The following BTBD9 variants were observed in gnomAD, a reference collection of about 807,000 sequenced individuals.
The protein encoded by BTBD9 is BTB domain containing 9.
In BTBD9, 49 loss-of-function variants were observed where a neutral mutation model predicts 64.3. The ratio of observed to expected loss-of-function variants is 0.76; its 90% CI spans 0.61 to 0.97. BTBD9 has a LOEUF of 0.97. Among genes scored for constraint, BTBD9 ranks in the 50% least tolerant of loss-of-function variants. The probability of loss-of-function intolerance (pLI) is 0.00; values close to 1 mark genes in which losing one functional copy is unlikely to be tolerated. For synonymous variants in BTBD9, 260 were observed against 274.7 expected, an observed-to-expected ratio of 0.95 and a Z score of 0.53; for missense variants, 598 against 762.1, an observed-to-expected ratio of 0.78 and a Z score of 2.53.
intron 7 of BTBD9, among the ~76,000 whole-genome samples, chr6:38,288,713 C>A (rs1382573669): frequency 6.6e-6 from 1 of 152,108 alleles, no homozygotes; most frequent in African/African-American, 2.4e-5. Flanking sequence ...GGGCAGATCA[C>A]TTGAGGTCAG....
At chr6:38,618,120 C>T (rs762676172) in intron 1 of BTBD9, among the ~76,000 whole-genome samples, 5 of 152,194 alleles carry the variant, frequency 3.3e-5, no homozygotes, top group Admixed American at 2.0e-4. Context: ...ACCAAAACCA[C>T]GGACGGTTTT....
intron 6 of BTBD9, among the ~76,000 whole-genome samples, chr6:38,382,451 A>T (rs1765975294): frequency 6.8e-6 from 1 of 147,628 alleles, no homozygotes; most frequent in South Asian, 2.3e-4. Flanking sequence ...CAGCCTGGGG[A>T]GGCTGCAGTG....
intron 6 of BTBD9, chr6:38,481,958 C>T (rs533209439): frequency 6.6e-6 from 1 of 152,312 alleles, no homozygotes; most frequent in East Asian, 1.9e-4. Context: ...TATAACCAGC[C>T]TTTTTGCCAG....
intron 7 of BTBD9, among the ~76,000 whole-genome samples, chr6:38,315,927 C>A (rs754070513): frequency 1.3e-5 from 2 of 152,150 alleles, no homozygotes; most frequent in Non-Finnish European, 2.9e-5. Context: ...CTCTAGCTAT[C>A]ATTGTATTAG....
rs1247089007 is a variant in BTBD9, at chr6:38,184,867, C to G, written c.1641+7652G>C. 6.6e-6 allele frequency among the ~76,000 whole-genome samples: 1 copy of G among 152,176 alleles called. No homozygotes were observed. Among genetic ancestry groups the G allele is most frequent in the East Asian group, 1.9e-4 (1 of 5,180 alleles). On this transcript the variant is annotated intron_variant, in intron 10 of 10. Coordinates refer to ENST00000481247, the MANE Select transcript of BTBD9 (RefSeq NM_001099272.2). The surrounding 1 kb of genome is among the most constrained non-coding windows in gnomAD (Gnocchi z 4.4). ...GGTGGCATGGGAGCCCAGAGCCACT[C>G]ACTGGTCTGACCGAAGCCAGTAAAT... is the stretch of plus-strand genomic sequence containing the variant.
intron 6 of BTBD9, among the ~76,000 whole-genome samples, chr6:38,426,436 TTTTCACTCTG>T (rs1768152635): frequency 6.6e-6 from 1 of 151,926 alleles, no homozygotes; most frequent in Non-Finnish European, 1.5e-5. Flanking sequence ...GGGAGCTCTG[TTTTCACTCTG>T]TTTCACTCTA....
At chr6:38,287,314 T>C (rs554035536) in intron 8 of BTBD9, among the ~76,000 whole-genome samples, 49 of 151,450 alleles carry the variant, frequency 3.2e-4, no homozygotes, top group African/African-American at 1.1e-3. Flanking sequence ...TGTTCTTCTT[T>C]TTTTTTTTAA....
intron 6 of BTBD9, among the ~76,000 whole-genome samples, chr6:38,393,845 T>C (rs938297076): frequency 2.6e-5 from 4 of 152,172 alleles, no homozygotes; most frequent in African/African-American, 9.7e-5. Flanking sequence ...CATCTCAAAA[T>C]CTTCATTCTA....
At chr6:38,608,847 T>C (rs1777513827) in intron 1 of BTBD9, among the ~76,000 whole-genome samples, 1 of 152,224 alleles carries the variant, frequency 6.6e-6, no homozygotes, top group Admixed American at 6.5e-5. Context: ...TTGCTCTTTT[T>C]CCCCTATATA....
chr6:38,317,105 C>T (rs1763056844), intron 7 of BTBD9, among the ~76,000 whole-genome samples: 1 of 152,070 alleles, frequency 6.6e-6, no homozygotes. Context: ...AAGTGATTCT[C>T]CTGCCTCAGC....
At chr6:38,624,531 A>T (rs1778107979) in intron 1 of BTBD9, among the ~76,000 whole-genome samples, 1 of 152,200 alleles carries the variant, frequency 6.6e-6, no homozygotes, top group African/African-American at 2.4e-5. Flanking sequence ...CCTGGGCAAA[A>T]GAGTGAGACT....
chr6:38,385,677 A>T (rs1459649152), intron 6 of BTBD9, among the ~76,000 whole-genome samples: 1 of 152,230 alleles, frequency 6.6e-6, no homozygotes, highest in Non-Finnish European at 1.5e-5. Flanking sequence ...AACAAATATT[A>T]AGAAATAGTA....
rs1766747252 is a variant in BTBD9 at position 38,171,267 on chromosome 6, T to C, written c.*3718A>G. 1 of 152,224 alleles carries C rather than the reference T, an allele frequency of 6.6e-6. No homozygotes were observed. Among genetic ancestry groups the C allele is most frequent in the South Asian group, 2.1e-4 (1 of 4,836 alleles). 9.4% of individuals were successfully genotyped at this position (152,224 alleles called of 1,614,324 possible). On this transcript the variant is annotated 3_prime_UTR_variant, in exon 11 of 11. Transcript: ENST00000481247. ...CAGTTTGACAACTGGGGCGACAGCA[T>C]AATACTGGGCAATTTTTTGCACAAT...
At chr6:38,595,865 G>T (rs1221301549) in intron 2 of BTBD9, 1 of 985,164 alleles carries the variant, frequency 1.0e-6, no homozygotes, top group Non-Finnish European at 1.2e-6. Context: ...CCAAATTAAA[G>T]AACTTCTCCT....
At chr6:38,363,326 G>C (rs2127599408) in intron 6 of BTBD9, among the ~76,000 whole-genome samples, 1 of 152,338 alleles carries the variant, frequency 6.6e-6, no homozygotes, top group East Asian at 1.9e-4. Flanking sequence ...GGGAGGCCAA[G>C]GCAGGAGGAC....
At chr6:38,188,498 T>G (rs1761916851) in intron 10 of BTBD9, among the ~76,000 whole-genome samples, 1 of 152,238 alleles carries the variant, frequency 6.6e-6, no homozygotes. Context: ...TCACGCAGAT[T>G]TCCCTTTATT....
intron 1 of BTBD9, among the ~76,000 whole-genome samples, chr6:38,638,208 A>T (rs187582054): frequency 9.2e-5 from 14 of 152,280 alleles, no homozygotes. Flanking sequence ...CCACATTTAT[A>T]GTCCTCAAAC....
chr6:38,230,227 G>T (rs978911442), intron 9 of BTBD9, among the ~76,000 whole-genome samples: 1 of 152,160 alleles, frequency 6.6e-6, no homozygotes, highest in African/African-American at 2.4e-5. Context: ...GGGCGCGGTG[G>T]CTCATGCCTG....
intron 6 of BTBD9, among the ~76,000 whole-genome samples, chr6:38,409,216 C>T (rs1385310675): frequency 6.6e-6 from 1 of 152,174 alleles, no homozygotes; most frequent in African/African-American, 2.4e-5. Context: ...CATCACTGCA[C>T]TCCAGCCTGG....
Sources: allele counts gnomAD v4.1 joint callset (sites outside exome capture counted in the v4.1 genomes callset), GRCh38; gene constraint gnomAD v4.1.1; non-coding constraint Gnocchi (gnomAD v3.1); transcripts MANE v1.5; gene names NCBI Gene and HGNC (gene_info 2026-07-23, HGNC 2026-07-21).